Variants in RAB30 observed in about 807,000 individuals in gnomAD.
The protein encoded by RAB30 is ras-related protein Rab-30.
In RAB30, 9 loss-of-function variants were observed where a neutral mutation model predicts 25.1. The observed-to-expected ratio is 0.36, with a 90% CI of 0.22 to 0.63. RAB30 has a LOEUF of 0.63. Ranked by LOEUF, RAB30 falls within the 20% of genes least tolerant of loss-of-function variation. The probability of loss-of-function intolerance (pLI) is 0.69; values close to 1 mark genes in which losing one functional copy is unlikely to be tolerated. For missense variants in RAB30, 140 were observed against 243.5 expected (o/e 0.58, Z 2.83); for synonymous variants, 77 against 86.4 (o/e 0.89, Z 0.60).
chr11:83,042,950 C>T (rs1858159916), intron 1 of RAB30, among the ~76,000 whole-genome samples: 1 of 152,088 alleles, frequency 6.6e-6, no homozygotes, highest in Non-Finnish European at 1.5e-5. Flanking sequence ...TAAAAACGAA[C>T]CAACAGTTAT....
chr11:82,984,704 GGC>G (rs1856706955), intron 4 of RAB30, among the ~76,000 whole-genome samples: 1 of 152,162 alleles, frequency 6.6e-6, no homozygotes, highest in Non-Finnish European at 1.5e-5. Context: ...CCATCAGGAG[GGC>G]TCCTAACACC....
At chr11:83,015,930 C>T (rs1239291601) in intron 1 of RAB30, among the ~76,000 whole-genome samples, 1 of 152,024 alleles carries the variant, frequency 6.6e-6, no homozygotes, top group Non-Finnish European at 1.5e-5. Context: ...TTGAGACCAG[C>T]AGTTTGAGAC....
At chr11:83,063,272 C>T (rs1858623572) in intron 1 of RAB30, among the ~76,000 whole-genome samples, 1 of 152,194 alleles carries the variant, frequency 6.6e-6, no homozygotes, top group Non-Finnish European at 1.5e-5. Flanking sequence ...CTTTTAACCA[C>T]CTGCTTCAGA....
intron 3 of RAB30, among the ~76,000 whole-genome samples, chr11:82,989,746 T>G (rs1412557428): frequency 6.6e-6 from 1 of 152,236 alleles, no homozygotes; most frequent in African/African-American, 2.4e-5. Flanking sequence ...CAAGATATGT[T>G]ACCTTCTCAT....
chr11:83,056,193 C>A (rs1222472679), intron 1 of RAB30, among the ~76,000 whole-genome samples: 2 of 152,224 alleles, frequency 1.3e-5, no homozygotes, highest in African/African-American at 4.8e-5. Context: ...CTCCTGCCCC[C>A]AGCTCCTGGT....
chr11:83,013,698 G>A (rs183851752), intron 1 of RAB30, among the ~76,000 whole-genome samples: 127 of 152,268 alleles, frequency 8.3e-4, no homozygotes, highest in African/African-American at 3.0e-3. Flanking sequence ...TTGCTACAAT[G>A]CAGTGTCTCT....
rs976177731 is a variant in RAB30, at chr11:82,974,778, G to A, written c.*7387C>T. On this transcript the variant is annotated 3_prime_UTR_variant, in exon 5 of 5. Coordinates refer to ENST00000527633, the MANE Select transcript of RAB30 (RefSeq NM_001286060.2). ...TCTCTAAATATTTTAACTAGCTGCT[G>A]AGATCTCCAGAATTATATATTTTGC... is the stretch of plus-strand genomic sequence containing the variant. 3 of 152,032 alleles carry A rather than the reference G, an allele frequency of 2.0e-5. No individual in the cohort carries two copies. The highest frequency in any genetic ancestry group is 2.9e-5 in the Non-Finnish European group (2 of 67,972). 9.4% of individuals were successfully genotyped at this position (152,032 alleles called of 1,614,324 possible). A position where few individuals can be genotyped will look rare whatever the true frequency, so the allele number is the denominator to read the frequency against.
intron 1 of RAB30, among the ~76,000 whole-genome samples, chr11:83,067,924 G>C (rs1472098225): frequency 2.6e-5 from 4 of 151,926 alleles, no homozygotes; most frequent in Non-Finnish European, 4.4e-5. Flanking sequence ...TCAGGAGTTT[G>C]AGAGATCAGC....
In RAB30 at chr11:82,978,240, G is replaced by A. The variant is rs1856578301; in HGVS notation, c.*3925C>T. 6.6e-6 allele frequency: 1 copy of A among 152,084 alleles called. No homozygotes were observed. The highest frequency in any genetic ancestry group is 2.1e-4 in the South Asian group (1 of 4,826). The allele number at this position is 152,084 out of a possible 1,614,324, so 9.4% of individuals were successfully genotyped here. A position where few individuals can be genotyped will look rare whatever the true frequency, so the allele number is the denominator to read the frequency against. On this transcript the variant is annotated 3_prime_UTR_variant, in exon 5 of 5. Coordinates refer to ENST00000527633, the MANE Select transcript of RAB30 (RefSeq NM_001286060.2). ...CAAAAAATTTTGGAAAAAAAGGAAT[G>A]GCAAACTCTAGAAGATCTCTCCCAG...
intron 1 of RAB30, among the ~76,000 whole-genome samples, chr11:83,029,746 CTTG>C: frequency 6.6e-6 from 1 of 152,088 alleles, no homozygotes; most frequent in African/African-American, 2.4e-5. Context: ...TACATGCATA[CTTG>C]TAGCAGCACA....
intron 1 of RAB30, among the ~76,000 whole-genome samples, chr11:83,000,945 G>A (rs1857066849): frequency 6.6e-6 from 1 of 150,584 alleles, no homozygotes; most frequent in South Asian, 2.1e-4. Context: ...TACTCGGGAG[G>A]CTGAGGTAGG....
At chr11:83,014,884 A>C (rs1424678181) in intron 1 of RAB30, among the ~76,000 whole-genome samples, 1 of 152,102 alleles carries the variant, frequency 6.6e-6, no homozygotes, top group African/African-American at 2.4e-5. Flanking sequence ...GGGGCGAGTC[A>C]AGCACATGAA....
chr11:83,017,933 T>C (rs1391618262), intron 1 of RAB30, among the ~76,000 whole-genome samples: 2 of 152,256 alleles, frequency 1.3e-5, no homozygotes, highest in Admixed American at 6.5e-5. Flanking sequence ...GTTCTACTTT[T>C]AGTTTTTAAG....
chr11:82,999,194 T>C (rs1338326037), intron 1 of RAB30, among the ~76,000 whole-genome samples: 1 of 152,210 alleles, frequency 6.6e-6, no homozygotes, highest in Non-Finnish European at 1.5e-5. Flanking sequence ...TACAAGTATA[T>C]AAGGTTTGTA....
At chr11:82,999,563 G>T (rs1857032899) in intron 1 of RAB30, among the ~76,000 whole-genome samples, 2 of 152,162 alleles carry the variant, frequency 1.3e-5, no homozygotes, top group South Asian at 4.1e-4. Flanking sequence ...TCCATGATCT[G>T]GTTCCTGCTG....
At chr11:83,067,677 A>T (rs1858734502) in intron 1 of RAB30, among the ~76,000 whole-genome samples, 1 of 152,128 alleles carries the variant, frequency 6.6e-6, no homozygotes, top group African/African-American at 2.4e-5. Context: ...CAATCAACAA[A>T]TCTTATCAAT....
At chr11:83,050,126 G>A (rs1244554058) in intron 1 of RAB30, among the ~76,000 whole-genome samples, 1 of 152,082 alleles carries the variant, frequency 6.6e-6, no homozygotes, top group African/African-American at 2.4e-5. Context: ...AGCTGGGCAT[G>A]GTGGTGCATG....
chr11:83,003,321 A>T (rs1023379302), intron 1 of RAB30, among the ~76,000 whole-genome samples: 1 of 152,262 alleles, frequency 6.6e-6, no homozygotes, highest in Admixed American at 6.5e-5. Flanking sequence ...AATACAGACA[A>T]GCAAAAAGGA....
chr11:83,041,420 C>T (rs4515990), intron 1 of RAB30: 43,642 of 185,402 alleles, frequency 0.24, 5,971 homozygotes, highest in Admixed American at 0.32. Context: ...GGAGCCTACA[C>T]TGGGGACAGT....
Sources: gnomAD v4.1 joint callset for allele counts (sites outside exome capture counted in the v4.1 genomes callset) on GRCh38, gnomAD v4.1.1 for gene constraint, MANE v1.5 for transcripts, NCBI Gene and HGNC (gene_info 2026-07-23, HGNC 2026-07-21) for gene names.